Variants in RBBP6 observed in about 807,000 individuals in gnomAD.
The protein encoded by RBBP6 is RB binding protein 6, ubiquitin ligase.
A neutral mutation model predicts 167.7 loss-of-function variants in RBBP6; 25 were observed. The ratio of observed to expected loss-of-function variants is 0.15; its 90% confidence interval spans 0.11 to 0.21. The LOEUF (loss-of-function observed/expected upper bound fraction) is 0.21, where lower values mean the gene tolerates loss of function less well. RBBP6 is among the 10% of genes least tolerant of loss of function. The probability of loss-of-function intolerance (pLI) is 1.00; values close to 1 mark genes in which losing one functional copy is unlikely to be tolerated. For synonymous variants in RBBP6, 789 were observed against 735.8 expected, an observed-to-expected ratio of 1.07 and a Z score of -1.17; for missense variants, 1,868 against 2,134.2, an observed-to-expected ratio of 0.88 and a Z score of 2.46.
rs1216099979 is a variant in RBBP6, at chr16:24,570,437, A to G, written c.3747A>G (p.Gly1249=). The change falls in exon 17 of 18, where the codon GGA becomes GGG. Residue 1249 remains glycine (G), a synonymous_variant. Coordinates refer to ENST00000319715, the MANE Select transcript of RBBP6 (RefSeq NM_006910.5). ...SSKVKQEKVK[G]KVRRKVTGTE... is the part of the protein sequence containing the mutation. ...AAGTTAAACAAGAAAAAGTCAAAGGAAAGGTCAGACGAAAAGTGACTGGAA... is the reference window on the plus strand; with the variant it reads ...AAGTTAAACAAGAAAAAGTCAAAGGGAAGGTCAGACGAAAAGTGACTGGAA... 3.1e-6 allele frequency: 5 copies of G among 1,607,278 alleles called. No individual in the cohort carries two copies. The East Asian group carries it at 6.7e-5, about 22-fold the overall frequency.
chr16:24,559,016 T>C (rs917240387), intron 7 of RBBP6, among the ~76,000 whole-genome samples: 2 of 152,238 alleles, frequency 1.3e-5, no homozygotes, highest in Non-Finnish European at 2.9e-5. Flanking sequence ...TCCCGTCTTG[T>C]GGCATTTACT....
rs1321492281 is a variant in RBBP6, at chr16:24,569,107, A to G, written c.2417A>G (p.Tyr806Cys). 1.2e-6 allele frequency: 2 copies of G among 1,613,662 alleles called. No homozygotes were observed. The highest frequency in any genetic ancestry group is 1.3e-5 in the African/African-American group (1 of 74,890). The change falls in exon 17 of 18, where the codon TAT (tyrosine) becomes TGT (cysteine). Residue 806 changes from tyrosine (Y) to cysteine (C), a missense_variant. This residue lies in a region of RBBP6 where 673 missense variants were observed against 691.5 expected (regional missense o/e 0.97). Transcript: ENST00000319715. ...AGATACAGAGAAGTTCCACCACCAT[A>G]TGACATGAAAGCATATTATGGGAGA... ...FNRYREVPPPYDMKAYYGRSV... is the reference protein window; with the variant it reads ...FNRYREVPPPCDMKAYYGRSV...
At chr16:24,547,615 C>G (rs1314203054) in intron 2 of RBBP6, among the ~76,000 whole-genome samples, 4 of 152,120 alleles carry the variant, frequency 2.6e-5, no homozygotes, top group Non-Finnish European at 5.9e-5. Flanking sequence ...ACCACCAAGC[C>G]TGGCCAATTT....
At chr16:24,549,246 A>G in intron 3 of RBBP6, 2 of 1,328,828 alleles carry the variant, frequency 1.5e-6, no homozygotes, top group South Asian at 4.3e-5. Context: ...ACTGTGTTGT[A>G]CAGTTAATGT....
At chr16:24,567,544 A>G in intron 15 of RBBP6, 39 bp downstream of exon 15, 3 of 1,541,768 alleles carry the variant, frequency 1.9e-6, no homozygotes, top group Non-Finnish European at 2.6e-6. Context: ...CACTTTTTTC[A>G]TTTTCTGATA....
At position 24,572,013 on chromosome 16, in the gene RBBP6, T is replaced by C. The variant is rs1899351867; in HGVS notation, c.4947T>C (p.Asn1649=). The C allele has an allele frequency of 1.2e-6, 2 of 1,613,986 alleles. No individual in the cohort carries two copies. The highest frequency in any genetic ancestry group is 2.2e-5 in the East Asian group (1 of 44,902). ...PDYNESDSES[N]VSVKEEESSG... ...ATAATGAAAGTGACAGTGAAAGTAA[T>C]GTTTCTGTAAAAGAAGAGGAATCTT... The change falls in exon 18 of 18, where the codon AAT becomes AAC. Residue 1649 remains asparagine (N), a synonymous_variant. Transcript: ENST00000319715.
At chr16:24,570,529 CTT>C in intron 17 of RBBP6, 30 bp downstream of exon 17, 1 of 1,505,118 alleles carries the variant, frequency 6.6e-7, no homozygotes, top group Non-Finnish European at 8.8e-7. Flanking sequence ...GGGTGTGGAA[CTT>C]TGTTGGGAGA....
intron 3 of RBBP6, among the ~76,000 whole-genome samples, chr16:24,552,159 T>A (rs1351349348): frequency 6.6e-6 from 1 of 151,848 alleles, no homozygotes; most frequent in Non-Finnish European, 1.5e-5. Flanking sequence ...ATCCCAGTAA[T>A]ATCCATCAAA....
At chr16:24,545,693 C>G (rs974745570) in intron 1 of RBBP6, among the ~76,000 whole-genome samples, 3 of 152,180 alleles carry the variant, frequency 2.0e-5, no homozygotes, top group Admixed American at 6.5e-5. Flanking sequence ...TTCCACTATT[C>G]ATTCCTTATT....
At chr16:24,542,714 G>C (rs932022764) in intron 1 of RBBP6, among the ~76,000 whole-genome samples, 21 of 152,106 alleles carry the variant, frequency 1.4e-4, no homozygotes, top group African/African-American at 5.1e-4. Context: ...CCACCCACCT[G>C]GGTCTCCCAA....
Position 24,559,161 on chromosome 16 carries a change from G to A in RBBP6, c.675-344G>A, listed in dbSNP as rs1442841069. On this transcript the variant is annotated intron_variant, in intron 7 of 17. Coordinates refer to ENST00000319715, the MANE Select transcript of RBBP6 (RefSeq NM_006910.5). Reference sequence around the variant, plus strand: ...TAGGAAAAATTGTGATTATGGTGTTGTCTAAATTCAAGTCTTGTCTTTGTC... The same window carrying A: ...TAGGAAAAATTGTGATTATGGTGTTATCTAAATTCAAGTCTTGTCTTTGTC... 3.3e-5 allele frequency among the ~76,000 whole-genome samples: 5 copies of A among 152,192 alleles called. No individual in the cohort carries two copies. The East Asian group carries it at 9.6e-4, about 29-fold the overall frequency.
In RBBP6 at chr16:24,571,326, G is replaced by A; in HGVS notation, c.4260G>A (p.Lys1420=). 6.2e-7 allele frequency: 1 copy of A among 1,614,130 alleles called. No homozygotes were observed. Among genetic ancestry groups the A allele is most frequent in the Non-Finnish European group, 8.5e-7 (1 of 1,180,016 alleles). ...VLEKENPEKR[K]NSTQPEKESN... is the part of the protein sequence containing the mutation. ...AAAAGGAGAACCCTGAAAAGAGGAA[G>A]AACAGCACTCAGCCAGAGAAAGAGA... The change falls in exon 18 of 18, where the codon AAG becomes AAA. Residue 1420 remains lysine (K), a synonymous_variant. Coordinates refer to ENST00000319715, the MANE Select transcript of RBBP6 (RefSeq NM_006910.5).
chr16:24,550,328 T>C (rs1381151365), intron 3 of RBBP6, among the ~76,000 whole-genome samples: 2 of 151,312 alleles, frequency 1.3e-5, no homozygotes, highest in Non-Finnish European at 3.0e-5. Flanking sequence ...TTGGGGTTTT[T>C]TTTTCCTCTT....
In RBBP6 at chr16:24,561,820, G is replaced by C; in HGVS notation, c.952-4G>C. On this transcript the variant is annotated splice_polypyrimidine_tract_variant and splice_region_variant and intron_variant, in intron 9 of 17. Transcript: ENST00000319715. ...TTCTGCATTATTATGCTTGGTATCT[G>C]TAGGCTGTAAATAACTTCAAAAATG... 6.2e-7 allele frequency: 1 copy of C among 1,609,746 alleles called. No individual in the cohort carries two copies. The highest frequency in any genetic ancestry group is 8.5e-7 in the Non-Finnish European group (1 of 1,176,976).
Position 24,540,795 on chromosome 16 carries a change from A to G in RBBP6, c.166+3A>G. The G allele has an allele frequency of 6.2e-7, 1 of 1,611,188 alleles. No homozygotes were observed. Among genetic ancestry groups the G allele is most frequent in the Non-Finnish European group, 8.5e-7 (1 of 1,179,130 alleles). ...CACCAATGCGCAGACGAAAGAAGGT[A>G]AGGGCCGCTTGGTCTTAAGATATTT... On this transcript the variant is annotated splice_donor_region_variant and intron_variant, in intron 1 of 17. Transcript: ENST00000319715.
rs368068436 is a variant in RBBP6, at chr16:24,569,488, A to G, written c.2798A>G (p.His933Arg). The change falls in exon 17 of 18, where the codon CAT (histidine) becomes CGT (arginine). Residue 933 changes from histidine to arginine, a missense_variant. By Grantham distance (29) the His-to-Arg change is conservative. Coordinates refer to ENST00000319715, the MANE Select transcript of RBBP6 (RefSeq NM_006910.5). ...NAPGDGKGNK[H>R]KKHRKRRKGE... ...CCAGGAGATGGTAAAGGAAATAAGCATAAGAAACACAGAAAAAGAAGAAAA... is the reference window on the plus strand; with the variant it reads ...CCAGGAGATGGTAAAGGAAATAAGCGTAAGAAACACAGAAAAAGAAGAAAA... 53 of 1,609,550 alleles carry G rather than the reference A, an allele frequency of 3.3e-5. No individual in the cohort carries two copies. The highest frequency in any genetic ancestry group is 3.6e-5 in the Non-Finnish European group (43 of 1,178,982).
At chr16:24,556,005 G>T in intron 6 of RBBP6, 88 bp downstream of exon 6, 1 of 1,184,960 alleles carries the variant, frequency 8.4e-7, no homozygotes, top group Non-Finnish European at 1.2e-6. Context: ...GGTTAATACT[G>T]CCTTCTGTAG....
At chr16:24,561,208 T>G (rs1899046018) in intron 8 of RBBP6, among the ~76,000 whole-genome samples, 1 of 152,094 alleles carries the variant, frequency 6.6e-6, no homozygotes, top group African/African-American at 2.4e-5. Flanking sequence ...AAACAAAGAA[T>G]AGTCTTTGAG....
intron 7 of RBBP6, chr16:24,558,406 C>G: frequency 2.1e-5 from 8 of 374,654 alleles, no homozygotes; most frequent in Non-Finnish European, 2.3e-5. Context: ...TTTCTTTTTT[C>G]TCTCTTTTGG....
Sources: gnomAD v4.1 joint callset for allele counts (sites outside exome capture counted in the v4.1 genomes callset) on GRCh38, gnomAD v4.1.1 for gene constraint, gnomAD v4.1.1 regional missense constraint, MANE v1.5 for transcripts, NCBI Gene and HGNC (gene_info 2026-07-23, HGNC 2026-07-21) for gene names.